The following DNAJC18 variants were observed in gnomAD, a reference collection of about 807,000 sequenced individuals.
The protein encoded by DNAJC18 is DnaJ heat shock protein family (Hsp40) member C18.
In DNAJC18, 40 loss-of-function variants were observed where a neutral mutation model predicts 48.6. That is an observed-to-expected ratio of 0.82 (90% CI 0.64 to 1.07). The LOEUF (loss-of-function observed/expected upper bound fraction) is 1.07, where lower values mean the gene tolerates loss of function less well. Among genes scored for constraint, DNAJC18 ranks in the 50% least tolerant of loss-of-function variants. The probability of loss-of-function intolerance (pLI) is 0.00; values close to 1 mark genes in which losing one functional copy is unlikely to be tolerated. For missense variants in DNAJC18, 340 were observed against 427.7 expected (o/e 0.79, Z 1.81); for synonymous variants, 135 against 152.2 (o/e 0.89, Z 0.83).
chr5:139,418,903 C>T (rs1367330360), intron 7 of DNAJC18: 6 of 454,792 alleles, frequency 1.3e-5, no homozygotes, highest in African/African-American at 1.2e-4. Context: ...GGGAGACTGA[C>T]ATATATCCCT....
chr5:139,415,286 A>G (rs1759055162), intron 7 of DNAJC18, among the ~76,000 whole-genome samples: 1 of 152,220 alleles, frequency 6.6e-6, no homozygotes, highest in African/African-American at 2.4e-5. Context: ...AAACGGAATT[A>G]TTATTTAGCC....
Position 139,439,341 on chromosome 5 carries a change from A to G in DNAJC18, c.40+65T>C, listed in dbSNP as rs1424213729. Reference sequence around the variant, plus strand: ...AGGATCTCAGCCCTTGTGCGTCTTCAGGATCCTCATCCCTGATCTCTCCCG... The same window carrying G: ...AGGATCTCAGCCCTTGTGCGTCTTCGGGATCCTCATCCCTGATCTCTCCCG... On this transcript the variant is annotated intron_variant, in intron 1 of 7. Coordinates refer to ENST00000302060, the MANE Select transcript of DNAJC18 (RefSeq NM_152686.4). This position sits in a 1 kb window ranked among gnomAD's most constrained non-coding sequence, Gnocchi z 4.1. 15 of 1,611,388 alleles carry G rather than the reference A, an allele frequency of 9.3e-6. No homozygotes were observed. The Admixed American group carries it at 1.3e-4, about 14-fold the overall frequency.
Position 139,414,160 on chromosome 5 carries a change from G to GC in DNAJC18, c.1064dup (p.Arg356GlnfsTer7), listed in dbSNP as rs779145056. 2.5e-6 allele frequency: 4 copies of GC among 1,614,114 alleles called. No homozygotes were observed. The highest frequency in any genetic ancestry group is 1.7e-6 in the Non-Finnish European group (2 of 1,180,006). The stretch of plus-strand genomic sequence containing the variant: ...GACCATTATCCTCTCAGCCACCTCT[G>GC]CGTAGGCCAATGAGTTTGGAAAGTT... On this transcript the variant is annotated frameshift_variant, in exon 8 of 8. Transcript: ENST00000302060. LOFTEE classifies it high-confidence loss of function.
At chr5:139,423,839 C>G (rs1759193967) in intron 5 of DNAJC18, among the ~76,000 whole-genome samples, 1 of 152,068 alleles carries the variant, frequency 6.6e-6, no homozygotes. Flanking sequence ...ATAACCTTTA[C>G]TCTCTCTGCT....
At chr5:139,425,424 A>G (rs778065380) in intron 4 of DNAJC18, among the ~76,000 whole-genome samples, 5 of 152,212 alleles carry the variant, frequency 3.3e-5, no homozygotes, top group Non-Finnish European at 5.9e-5. Flanking sequence ...TTGGCCTCCC[A>G]AAGTGTTGGG....
chr5:139,437,660 T>C (rs1361747742), intron 1 of DNAJC18, 102 bp from the exon 2 acceptor site: 1 of 1,374,368 alleles, frequency 7.3e-7, no homozygotes, highest in African/African-American at 1.5e-5. Context: ...CATGAGAAGG[T>C]AAGCATGATG....
intron 5 of DNAJC18, 51 bp from the exon 6 acceptor site, chr5:139,422,868 T>TC: frequency 7.3e-7 from 1 of 1,372,702 alleles, no homozygotes; most frequent in Non-Finnish European, 1.0e-6. Flanking sequence ...TTTTTTTTTT[T>TC]TCTGTCGCCC....
In DNAJC18 at chr5:139,420,244, G is replaced by C. The variant is rs757965914; in HGVS notation, c.780-19C>G. ...CAAGGTCCTGAAACAAGGAGAGAGA[G>C]GCTCATGTGAGCTCATAATATTTGG... On this transcript the variant is annotated intron_variant, in intron 6 of 7. Coordinates refer to ENST00000302060, the MANE Select transcript of DNAJC18 (RefSeq NM_152686.4). The C allele has an allele frequency of 9.4e-6, 15 of 1,591,218 alleles. No individual in the cohort carries two copies. The highest frequency in any genetic ancestry group is 1.2e-5 in the Non-Finnish European group (14 of 1,173,674).
At chr5:139,437,295 A>G in intron 2 of DNAJC18, 77 bp downstream of exon 2, 2 of 1,476,796 alleles carry the variant, frequency 1.4e-6, no homozygotes, top group Non-Finnish European at 1.8e-6. Flanking sequence ...TCATCAGTCA[A>G]TACTTACATA....
intron 7 of DNAJC18, 52 bp downstream of exon 7, chr5:139,420,001 C>G: frequency 6.7e-7 from 1 of 1,491,832 alleles, no homozygotes; most frequent in Non-Finnish European, 8.9e-7. Context: ...CTGGGGGTGC[C>G]TCCTGCTGGG....
At position 139,413,961 on chromosome 5, in the gene DNAJC18, C is replaced by A; in HGVS notation, c.*187G>T. The A allele has an allele frequency of 1.3e-6, 1 of 793,536 alleles. No homozygotes were observed. The highest frequency in any genetic ancestry group is 1.9e-6 in the Non-Finnish European group (1 of 520,778). The allele number at this position is 793,536 out of a possible 1,614,324, so 49.2% of individuals were successfully genotyped here. On this transcript the variant is annotated 3_prime_UTR_variant, in exon 8 of 8. Coordinates refer to ENST00000302060, the MANE Select transcript of DNAJC18 (RefSeq NM_152686.4). ...ACTACTCCTGGTCCCTGGAGCCACT[C>A]CCCAGGAAGGATCCTGTGAAGACAC...
Position 139,437,404 on chromosome 5 carries a change from C to T in DNAJC18, c.195G>A (p.Thr65=). ...TQTRQGEGNS[T]YSEEQLLGVQ... is the part of the protein sequence containing the mutation. ...CCCCAAGCAGCTGTTCCTCACTATA[C>T]GTGGAGTTCCCCTCACCCTGCCGGG... Residue 65 remains threonine (T), a synonymous_variant, in exon 2 of 8, where the codon ACG becomes ACA. Coordinates refer to ENST00000302060, the MANE Select transcript of DNAJC18 (RefSeq NM_152686.4). 2 of 1,613,406 alleles carry T rather than the reference C, an allele frequency of 1.2e-6. No homozygotes were observed. Among genetic ancestry groups the T allele is most frequent in the Non-Finnish European group, 8.5e-7 (1 of 1,179,648 alleles).
chr5:139,420,262 A>G (rs1219255178), intron 6 of DNAJC18, 37 bp from the exon 7 acceptor site: 1 of 1,569,692 alleles, frequency 6.4e-7, no homozygotes, highest in Non-Finnish European at 8.6e-7. Context: ...TGAGCTCATA[A>G]TATTTGGCAA....
At chr5:139,418,496 T>G (rs1488450434) in intron 7 of DNAJC18, among the ~76,000 whole-genome samples, 1 of 152,212 alleles carries the variant, frequency 6.6e-6, no homozygotes, top group African/African-American at 2.4e-5. Context: ...TCTTTCCTGA[T>G]TTTTGATTCT....
intron 7 of DNAJC18, among the ~76,000 whole-genome samples, chr5:139,415,475 G>T (rs528875766): frequency 6.6e-6 from 1 of 152,236 alleles, no homozygotes; most frequent in East Asian, 1.9e-4. Flanking sequence ...AATGGAGGCC[G>T]CACAGCCTGG....
intron 6 of DNAJC18, among the ~76,000 whole-genome samples, chr5:139,420,879 CA>C: frequency 6.6e-6 from 1 of 152,162 alleles, no homozygotes; most frequent in South Asian, 2.1e-4. Flanking sequence ...CAAGTTAAAA[CA>C]ATGTGACAGA....
At position 139,439,500 on chromosome 5, in the gene DNAJC18, A is replaced by G. The variant is rs1320548527; in HGVS notation, c.-55T>C. 1.9e-6 allele frequency: 3 copies of G among 1,613,492 alleles called. No individual in the cohort carries two copies. Among genetic ancestry groups the G allele is most frequent in the Non-Finnish European group, 1.7e-6 (2 of 1,179,894 alleles). ...CCTCCCCCGTGCCCGAGGCTGAAAGAGAAGGGGGCGCGGAGCGCGGGGCAC... is the reference window on the plus strand; with the variant it reads ...CCTCCCCCGTGCCCGAGGCTGAAAGGGAAGGGGGCGCGGAGCGCGGGGCAC... On this transcript the variant is annotated 5_prime_UTR_variant, in exon 1 of 8. Coordinates refer to ENST00000302060, the MANE Select transcript of DNAJC18 (RefSeq NM_152686.4). The surrounding 1 kb of genome is among the most constrained non-coding windows in gnomAD (Gnocchi z 4.1).
At chr5:139,437,618 C>T in intron 1 of DNAJC18, 60 bp from the exon 2 acceptor site, 1 of 1,548,612 alleles carries the variant, frequency 6.5e-7, no homozygotes, top group Non-Finnish European at 8.7e-7. Flanking sequence ...ACTTTGCAAC[C>T]TGCCTTTCCT....
chr5:139,424,590 C>A (rs901599103), intron 5 of DNAJC18, among the ~76,000 whole-genome samples: 1 of 151,518 alleles, frequency 6.6e-6, no homozygotes, highest in African/African-American at 2.4e-5. Context: ...CATGGTGGCA[C>A]GCACCTATAG....
Sources: gnomAD v4.1 joint callset for allele counts (sites outside exome capture counted in the v4.1 genomes callset) on GRCh38, gnomAD v4.1.1 for gene constraint, Gnocchi (gnomAD v3.1) non-coding constraint, MANE v1.5 for transcripts, NCBI Gene and HGNC (gene_info 2026-07-23, HGNC 2026-07-21) for gene names.